Variants in GUCY1A2 observed in about 807,000 individuals in gnomAD.
GUCY1A2 encodes guanylate cyclase 1 soluble subunit alpha 2.
In GUCY1A2, 27 loss-of-function variants were observed where a neutral mutation model predicts 63.5. The observed-to-expected ratio is 0.43, with a 90% CI of 0.31 to 0.59. GUCY1A2 has a LOEUF of 0.59. Ranked by LOEUF, GUCY1A2 falls within the 20% of genes least tolerant of loss-of-function variation. The pLI, the probability that GUCY1A2 is intolerant of heterozygous loss-of-function variation, is 0.11. For missense variants in GUCY1A2, 768 were observed against 913.3 expected, an observed-to-expected ratio of 0.84 and a Z score of 2.05; for synonymous variants, 364 against 343.5, an observed-to-expected ratio of 1.06 and a Z score of -0.66.
chr11:106,909,630 G>A (rs559838045), intron 4 of GUCY1A2, among the ~76,000 whole-genome samples: 2 of 151,632 alleles, frequency 1.3e-5, no homozygotes, highest in African/African-American at 2.4e-5. Context: ...CAGGGCTGTC[G>A]TTATTCACTC....
chr11:106,781,128 A>AAG (rs1555031190), intron 5 of GUCY1A2, among the ~76,000 whole-genome samples: 1 of 148,210 alleles, frequency 6.7e-6, no homozygotes, highest in Admixed American at 6.7e-5. Context: ...AAAAAAAAAA[A>AAG]AAAAAGAAAA....
At chr11:106,762,020 A>G (rs992405090) in intron 6 of GUCY1A2, among the ~76,000 whole-genome samples, 7 of 152,162 alleles carry the variant, frequency 4.6e-5, no homozygotes, top group African/African-American at 1.7e-4. Flanking sequence ...GTAATGAGGC[A>G]GGTCTACTTT....
chr11:106,780,011 C>G (rs1218402076), intron 5 of GUCY1A2, among the ~76,000 whole-genome samples: 1 of 152,042 alleles, frequency 6.6e-6, no homozygotes, highest in Non-Finnish European at 1.5e-5. Flanking sequence ...AGACCTCAAT[C>G]TTTACAAAAA....
intron 4 of GUCY1A2, among the ~76,000 whole-genome samples, chr11:106,857,909 T>C (rs1049114067): frequency 1.3e-5 from 2 of 152,208 alleles, no homozygotes; most frequent in African/African-American, 4.8e-5. Flanking sequence ...TGAGCATCTT[T>C]AGATTTTGGT....
At chr11:106,886,804 T>A (rs1434046375) in intron 4 of GUCY1A2, among the ~76,000 whole-genome samples, 1 of 152,146 alleles carries the variant, frequency 6.6e-6, no homozygotes, top group Non-Finnish European at 1.5e-5. Flanking sequence ...CCAGAAATCA[T>A]ATTTCTAAAT....
At chr11:106,726,933 G>T (rs929981391) in intron 6 of GUCY1A2, among the ~76,000 whole-genome samples, 5 of 152,148 alleles carry the variant, frequency 3.3e-5, no homozygotes, top group Non-Finnish European at 5.9e-5. Context: ...AGAGTATGTG[G>T]CATGGGAAAC....
At chr11:106,961,172 C>T (rs1386642116) in intron 3 of GUCY1A2, among the ~76,000 whole-genome samples, 1 of 151,990 alleles carries the variant, frequency 6.6e-6, no homozygotes, top group East Asian at 1.9e-4. Context: ...CTGCCACTCA[C>T]CCTCCTGAAA....
chr11:106,781,112 C>CAAAAAAAAAAAAAAAAAAAAAAAA (rs565279937), intron 5 of GUCY1A2, among the ~76,000 whole-genome samples: 1 of 89,030 alleles, frequency 1.1e-5, no homozygotes. Context: ...AAACAGACTA[C>CAAAAAAAAAAAAAAAAAAAAAAAA]AAAAAAAAAA....
intron 3 of GUCY1A2, among the ~76,000 whole-genome samples, chr11:106,943,938 G>T (rs189571212): frequency 1.3e-5 from 2 of 151,942 alleles, no homozygotes; most frequent in African/African-American, 4.8e-5. Flanking sequence ...GGGCACAGTG[G>T]GTCATGCCTG....
At position 106,722,488 on chromosome 11, in the gene GUCY1A2, TTTTA is replaced by T. The variant is rs1490921811; in HGVS notation, c.1837-13826_1837-13823del. ...TAGTGTTTCAGTACAGCTGTGATGT[TTTTA>T]TTTATTTTGATAGTGCCCTTAGTAC... On this transcript the variant is annotated intron_variant, in intron 6 of 7. Transcript: ENST00000526355. 2.6e-5 allele frequency among the ~76,000 whole-genome samples: 4 copies of T among 152,092 alleles called. No individual in the cohort carries two copies. The East Asian group carries it at 7.7e-4, about 29-fold the overall frequency.
rs1860235931 is a variant in GUCY1A2, at chr11:106,907,906, G to A, written c.1206+31554C>T. Among the ~76,000 whole-genome samples, 4 of 152,120 alleles carry A rather than the reference G, an allele frequency of 2.6e-5. No individual in the cohort carries two copies. In the South Asian group the frequency reaches 8.3e-4, roughly 31 times the overall value. The stretch of plus-strand genomic sequence containing the variant: ...CACAGCAATTCTTATCTTTATGCAT[G>A]TAAGTTTATCCACACAATCTCAAGA... On this transcript the variant is annotated intron_variant, in intron 4 of 7. Transcript: ENST00000526355.
intron 4 of GUCY1A2, among the ~76,000 whole-genome samples, chr11:106,862,836 G>A (rs1246304593): frequency 6.6e-6 from 1 of 152,070 alleles, no homozygotes; most frequent in Non-Finnish European, 1.5e-5. Context: ...CAAAAATCCT[G>A]GGAAGTGCAA....
At chr11:106,726,884 A>C (rs1170570406) in intron 6 of GUCY1A2, among the ~76,000 whole-genome samples, 1 of 152,182 alleles carries the variant, frequency 6.6e-6, no homozygotes, top group Non-Finnish European at 1.5e-5. Context: ...ACCAGCTTTG[A>C]GGTGGTTCTG....
intron 5 of GUCY1A2, among the ~76,000 whole-genome samples, chr11:106,781,717 C>A (rs1003695689): frequency 6.6e-6 from 1 of 151,364 alleles, no homozygotes; most frequent in African/African-American, 2.4e-5. Flanking sequence ...GCGCATGTCA[C>A]CATGCCTGCC....
chr11:106,746,924 C>T (rs1863798195), intron 6 of GUCY1A2, among the ~76,000 whole-genome samples: 2 of 152,140 alleles, frequency 1.3e-5, no homozygotes, highest in Admixed American at 1.3e-4. Flanking sequence ...TGGGCAAAAC[C>T]TTATTTTCCA....
chr11:106,687,717 C>T lies in GUCY1A2; in HGVS notation c.2031G>A (p.Arg677=). The T allele has an allele frequency of 6.2e-7, 1 of 1,613,024 alleles. No individual in the cohort carries two copies. The highest frequency in any genetic ancestry group is 1.1e-5 in the South Asian group (1 of 91,060). Residue 677 remains arginine (R), a synonymous_variant, in exon 8 of 8, where the codon CGG becomes CGA. Transcript: ENST00000526355. ...KREESFTFIP[R]SREELPDNFP... Reference sequence around the variant, plus strand: ...AGTTGTCTGGAAGCTCTTCACGAGACCGCGGAATGAATGTGAAACTTTCTT... The same window carrying T: ...AGTTGTCTGGAAGCTCTTCACGAGATCGCGGAATGAATGTGAAACTTTCTT...
chr11:106,927,433 C>T lies in GUCY1A2; in HGVS notation c.1206+12027G>A, dbSNP rs1311837453. On this transcript the variant is annotated intron_variant, in intron 4 of 7. Transcript: ENST00000526355. ...AGAACTATAAATAATTTATTAGGTACTATTTATTTCTATAAACTGGGGGGA... is the reference window on the plus strand; with the variant it reads ...AGAACTATAAATAATTTATTAGGTATTATTTATTTCTATAAACTGGGGGGA... Among the ~76,000 whole-genome samples the T allele has an allele frequency of 2.0e-5, 3 of 151,902 alleles. No individual in the cohort carries two copies. The East Asian group carries it at 5.8e-4, about 29-fold the overall frequency.
At position 106,963,155 on chromosome 11, in the gene GUCY1A2, T is replaced by C. The variant is rs187708900; in HGVS notation, c.487+15464A>G. Among the ~76,000 whole-genome samples the C allele has an allele frequency of 2.7e-3, 412 of 152,292 alleles. 1 individual carries two copies. The highest frequency in any genetic ancestry group is 9.5e-3 in the African/African-American group (394 of 41,566). ...CATTGCAATATTATCTAATGACTGATGACAGGCCATGAAAAATGATGCATA... is the reference window on the plus strand; with the variant it reads ...CATTGCAATATTATCTAATGACTGACGACAGGCCATGAAAAATGATGCATA... On this transcript the variant is annotated intron_variant, in intron 3 of 7. Coordinates refer to ENST00000526355, the MANE Select transcript of GUCY1A2 (RefSeq NM_000855.3).
chr11:106,983,929 G>T (rs1861369111), intron 2 of GUCY1A2, among the ~76,000 whole-genome samples: 1 of 152,104 alleles, frequency 6.6e-6, no homozygotes, highest in Non-Finnish European at 1.5e-5. Flanking sequence ...TTCTTAAGAG[G>T]AACAACATAC....
Sources: allele counts gnomAD v4.1 joint callset (sites outside exome capture counted in the v4.1 genomes callset), GRCh38; gene constraint gnomAD v4.1.1; transcripts MANE v1.5; gene names NCBI Gene and HGNC (gene_info 2026-07-23, HGNC 2026-07-21).